ATP13A4: variants seen among roughly 807,000 people sequenced by gnomAD.
ATP13A4 encodes ATPase 13A4.
A neutral mutation model predicts 142.5 loss-of-function variants in ATP13A4; 114 were observed. The ratio of observed to expected loss-of-function variants is 0.80; its 90% CI spans 0.69 to 0.93. ATP13A4 has a LOEUF of 0.93. Among genes scored for constraint, ATP13A4 ranks in the 40% least tolerant of loss-of-function variants. The pLI, the probability that ATP13A4 is intolerant of heterozygous loss-of-function variation, is 0.00. For missense variants in ATP13A4, 1,392 were observed against 1,454.0 expected, an observed-to-expected ratio of 0.96 and a Z score of 0.69; for synonymous variants, 488 against 514.8, an observed-to-expected ratio of 0.95 and a Z score of 0.70.
chr3:193,435,524 T>C, intron 24 of ATP13A4, 124 bp downstream of exon 24: 2 of 828,414 alleles, frequency 2.4e-6, no homozygotes, highest in South Asian at 1.4e-5. Flanking sequence ...AGGATATTTT[T>C]GGAGGGGCTG....
At chr3:193,493,471 G>A (rs1227028860) in intron 3 of ATP13A4, among the ~76,000 whole-genome samples, 1 of 151,928 alleles carries the variant, frequency 6.6e-6, no homozygotes, top group East Asian at 1.9e-4. Flanking sequence ...AAGGCATACA[G>A]TCCAATATGT....
chr3:193,493,001 AAAT>A lies in ATP13A4; in HGVS notation c.453-7_453-5del. The A allele has an allele frequency of 6.2e-7, 1 of 1,607,242 alleles. No individual in the cohort carries two copies. Among genetic ancestry groups the A allele is most frequent in the Non-Finnish European group, 8.5e-7 (1 of 1,174,494 alleles). Reference sequence around the variant, plus strand: ...ACTAAGCCAGTCTTCCAAAGAACTAAAATAATAATAATGAAAAGAACATATTTA... The same window carrying A: ...ACTAAGCCAGTCTTCCAAAGAACTAAAATAATAATGAAAAGAACATATTTA... On this transcript the variant is annotated splice_polypyrimidine_tract_variant and splice_region_variant and intron_variant, in intron 4 of 29. Coordinates refer to ENST00000342695, the MANE Select transcript of ATP13A4 (RefSeq NM_032279.4).
intron 2 of ATP13A4, among the ~76,000 whole-genome samples, chr3:193,581,555 C>T (rs1037122074): frequency 1.3e-5 from 2 of 152,168 alleles, no homozygotes; most frequent in Non-Finnish European, 2.9e-5. Context: ...GCTTAGTAGT[C>T]ACAGGTAATC....
chr3:193,557,492 C>T (rs1560282336), upstream of ATP13A4, among the ~76,000 whole-genome samples: 1 of 152,230 alleles, frequency 6.6e-6, no homozygotes, highest in Admixed American at 6.5e-5. Context: ...CAATTCTAAA[C>T]AGTTTACACT....
intron 25 of ATP13A4, among the ~76,000 whole-genome samples, chr3:193,424,175 T>C (rs1376171029): frequency 2.0e-5 from 3 of 147,612 alleles, no homozygotes; most frequent in Non-Finnish European, 4.5e-5. Flanking sequence ...TGAAAAAAAA[T>C]GGAAGCTAAC....
chr3:193,496,066 TGAA>T (rs1264826711), intron 3 of ATP13A4, among the ~76,000 whole-genome samples: 1 of 152,150 alleles, frequency 6.6e-6, no homozygotes. Flanking sequence ...TGCAAGAAAT[TGAA>T]GAAGACAAAA....
chr3:193,449,750 C>A (rs1041476439), intron 17 of ATP13A4, among the ~76,000 whole-genome samples: 6 of 152,100 alleles, frequency 3.9e-5, no homozygotes, highest in Admixed American at 3.3e-4. Context: ...GTAATTTCCC[C>A]ATGATCTGCT....
At chr3:193,459,429 T>G (rs1185107877) in intron 13 of ATP13A4, among the ~76,000 whole-genome samples, 198 bp from the exon 14 acceptor site, 1 of 152,198 alleles carries the variant, frequency 6.6e-6, no homozygotes, top group East Asian at 1.9e-4. Flanking sequence ...TCTCTGAGTT[T>G]TTTCTTTTTC....
Position 193,461,104 on chromosome 3 carries a change from A to G in ATP13A4, c.1523+1658T>C, listed in dbSNP as rs549573179. Among the ~76,000 whole-genome samples, 3 of 152,270 alleles carry G rather than the reference A, an allele frequency of 2.0e-5. No individual in the cohort carries two copies. The South Asian group carries it at 6.2e-4, about 32-fold the overall frequency. On this transcript the variant is annotated intron_variant, in intron 13 of 29. Transcript: ENST00000342695. ...GCAGGAAGGCAGCAAGGCAGGAAGG[A>G]AGGAAGGAAGGAAGGGAGGGAAATG...
intron 18 of ATP13A4, 122 bp downstream of exon 18, chr3:193,448,082 ATC>A (rs1717058031): frequency 1.5e-6 from 2 of 1,349,354 alleles, no homozygotes; most frequent in South Asian, 1.3e-5. Context: ...TTTGTTGCCC[ATC>A]TCCAGCACCT....
In ATP13A4 at chr3:193,573,297, A is replaced by ACT. The variant is rs1287810767; in HGVS notation, n.291+8409_291+8410insAG. ...TATACATATATATATATACACATAT[A>ACT]TATATATATACATATATATATATAT... On this transcript the variant is annotated intron_variant and non_coding_transcript_variant, in intron 2 of 3. Transcript: ENST00000489140. 3.6e-3 allele frequency among the ~76,000 whole-genome samples: 397 copies of ACT among 108,920 alleles called. 9 individuals carry two copies. Among genetic ancestry groups the ACT allele is most frequent in the South Asian group, 0.019 (71 of 3,728 alleles). 71.5% of individuals were successfully genotyped at this position (108,920 alleles called of 152,430 possible).
chr3:193,554,086 C>T (rs1723749575), intron 1 of ATP13A4, among the ~76,000 whole-genome samples: 1 of 152,176 alleles, frequency 6.6e-6, no homozygotes, highest in Non-Finnish European at 1.5e-5. Flanking sequence ...GCATGAAAGT[C>T]ATCTTTGATT....
At chr3:193,579,246 A>G (rs955816233) in intron 2 of ATP13A4, 5 of 167,484 alleles carry the variant, frequency 3.0e-5, no homozygotes, top group African/African-American at 9.7e-5. Flanking sequence ...AATACCCAGG[A>G]ATAGTTGAAG....
chr3:193,498,255 A>T (rs1720353395), intron 3 of ATP13A4, among the ~76,000 whole-genome samples: 1 of 151,800 alleles, frequency 6.6e-6, no homozygotes, highest in South Asian at 2.1e-4. Flanking sequence ...TTAAACCAGT[A>T]AAAAAAAGAA....
intron 1 of ATP13A4, among the ~76,000 whole-genome samples, chr3:193,582,719 TTACATATATAAAA>T (rs1724586802): frequency 2.8e-4 from 13 of 45,996 alleles, no homozygotes; most frequent in South Asian, 1.8e-3. Flanking sequence ...TATATGTATA[TTACATATATAAAA>T]TATATATGTA....
chr3:193,471,140 T>C lies in ATP13A4; in HGVS notation c.809-147A>G, dbSNP rs138214578. Reference sequence around the variant, plus strand: ...ACATTCCTCAACATTGATTCAAAATTTGAAAACAAAAAGAAAAAAATGTAA... The same window carrying C: ...ACATTCCTCAACATTGATTCAAAATCTGAAAACAAAAAGAAAAAAATGTAA... On this transcript the variant is annotated intron_variant, in intron 8 of 29. Transcript: ENST00000342695. The C allele has an allele frequency of 8.2e-5, 92 of 1,120,368 alleles. No individual in the cohort carries two copies. The East Asian group carries it at 1.9e-3, about 24-fold the overall frequency. The allele number at this position is 1,120,368 out of a possible 1,614,324, so 69.4% of individuals were successfully genotyped here.
intron 1 of ATP13A4, among the ~76,000 whole-genome samples, chr3:193,523,547 T>C (rs1721838138): frequency 6.6e-6 from 1 of 152,154 alleles, no homozygotes; most frequent in African/African-American, 2.4e-5. Context: ...AACCCCTAAA[T>C]GATGGTATTC....
At chr3:193,576,230 G>A (rs1326323888) in intron 2 of ATP13A4, among the ~76,000 whole-genome samples, 2 of 143,192 alleles carry the variant, frequency 1.4e-5, no homozygotes, top group Non-Finnish European at 3.0e-5. Flanking sequence ...ACGATCCATG[G>A]AATGTGGCTT....
intron 2 of ATP13A4, among the ~76,000 whole-genome samples, chr3:193,507,878 A>G (rs1281980570): frequency 2.6e-5 from 4 of 152,192 alleles, no homozygotes; most frequent in Non-Finnish European, 5.9e-5. Context: ...CAGAAAAAAA[A>G]TGGAGGCAAA....
Sources: allele counts gnomAD v4.1 joint callset (sites outside exome capture counted in the v4.1 genomes callset), GRCh38; gene constraint gnomAD v4.1.1; transcripts MANE v1.5; gene names NCBI Gene and HGNC (gene_info 2026-07-23, HGNC 2026-07-21).